Variants in TXK observed in about 807,000 individuals in gnomAD.
TXK encodes tyrosine-protein kinase TXK.
A neutral mutation model predicts 81.0 loss-of-function variants in TXK; 60 were observed. The ratio of observed to expected loss-of-function variants is 0.74; its 90% CI spans 0.60 to 0.92. The LOEUF is 0.92. Among genes scored for constraint, TXK ranks in the 40% least tolerant of loss-of-function variants. The probability of loss-of-function intolerance (pLI) is 0.00; values close to 1 mark genes in which losing one functional copy is unlikely to be tolerated. For synonymous variants in TXK, 203 were observed against 210.7 expected (o/e 0.96, Z 0.32); for missense variants, 581 against 638.3 (o/e 0.91, Z 0.97).
chr4:48,080,275 G>T, intron 10 of TXK, 147 bp from the exon 11 acceptor site: 2 of 673,812 alleles, frequency 3.0e-6, no homozygotes, highest in South Asian at 1.9e-5. Flanking sequence ...AAGTAGTTCA[G>T]TTTCCTTGCC....
At chr4:48,091,237 G>A (rs1368053971) in intron 8 of TXK, among the ~76,000 whole-genome samples, 1 of 152,206 alleles carries the variant, frequency 6.6e-6, no homozygotes, top group African/African-American at 2.4e-5. Flanking sequence ...ACTAACACAT[G>A]GAGTTAACCC....
chr4:48,133,757 TTATATA>T (rs563844495), intron 1 of TXK, among the ~76,000 whole-genome samples: 1 of 152,048 alleles, frequency 6.6e-6, no homozygotes, highest in Admixed American at 6.6e-5. Context: ...GTGTGTGTAT[TTATATA>T]TATATAAAGT....
At chr4:48,123,125 A>G (rs1026170116) in intron 1 of TXK, among the ~76,000 whole-genome samples, 5 of 152,246 alleles carry the variant, frequency 3.3e-5, no homozygotes, top group African/African-American at 1.2e-4. Flanking sequence ...ATCCTTGAGT[A>G]ATCACTAGCC....
At chr4:48,092,615 G>A (rs539492744) in intron 8 of TXK, among the ~76,000 whole-genome samples, 2 of 71,660 alleles carry the variant, frequency 2.8e-5, no homozygotes, top group South Asian at 6.7e-4. Context: ...AAGAGTTAGG[G>A]CAGCAGGAGG....
intron 1 of TXK, among the ~76,000 whole-genome samples, chr4:48,127,148 T>C (rs1719109451): frequency 6.6e-6 from 1 of 152,174 alleles, no homozygotes; most frequent in African/African-American, 2.4e-5. Flanking sequence ...TGTGGTTCCA[T>C]CCTCTGCCCA....
chr4:48,086,530 T>C lies in TXK; in HGVS notation c.892A>G (p.Ile298Val), dbSNP rs1233108263. The C allele has an allele frequency of 1.2e-6, 2 of 1,614,022 alleles. No homozygotes were observed. Among genetic ancestry groups the C allele is most frequent in the African/African-American group, 1.3e-5 (1 of 74,928 alleles). ...GEWRSHIQVA[I>V]KAINEGSMSE... Reference sequence around the variant, plus strand: ...ATGGAGCCTTCATTGATGGCCTTGATAGCTACCTGGATATGTGACCGCCAT... The same window carrying C: ...ATGGAGCCTTCATTGATGGCCTTGACAGCTACCTGGATATGTGACCGCCAT... Residue 298 changes from isoleucine (I) to valine (V), a missense_variant, in exon 10 of 15, where the codon ATC (isoleucine) becomes GTC (valine). Ile to Val is a conservative substitution (Grantham distance 29). Transcript: ENST00000264316.
chr4:48,103,677 T>G (rs1187949077), intron 6 of TXK, among the ~76,000 whole-genome samples: 1 of 152,214 alleles, frequency 6.6e-6, no homozygotes, highest in Non-Finnish European at 1.5e-5. Flanking sequence ...TTACTGACAG[T>G]TGGAAATTTA....
intron 10 of TXK, 56 bp downstream of exon 10, chr4:48,086,409 TG>T: frequency 6.4e-7 from 1 of 1,573,632 alleles, no homozygotes; most frequent in Non-Finnish European, 8.7e-7. Flanking sequence ...AAGCTCATGT[TG>T]TTTCCATGAC....
rs748750670 is a variant in TXK at position 48,110,546 on chromosome 4, T to A, written c.438A>T (p.Glu146Asp). ...TTTTGGAGAAGACTTACTCATATATTTCTAAATTAGTTATTTTGTTTTCAG... is the reference window on the plus strand; with the variant it reads ...TTTTGGAGAAGACTTACTCATATATATCTAAATTAGTTATTTTGTTTTCAG... ...YVTENKITNL[E>D]IYEWYHRNIT... The change falls in exon 5 of 15, where the codon GAA becomes GAT. Residue 146 changes from glutamate to aspartate, a missense_variant. Coordinates refer to ENST00000264316, the MANE Select transcript of TXK (RefSeq NM_003328.3). The A allele has an allele frequency of 6.2e-7, 1 of 1,608,420 alleles. No individual in the cohort carries two copies. The highest frequency in any genetic ancestry group is 8.5e-7 in the Non-Finnish European group (1 of 1,175,418).
At chr4:48,099,749 T>C (rs146252629) in intron 6 of TXK, among the ~76,000 whole-genome samples, 1 of 152,248 alleles carries the variant, frequency 6.6e-6, no homozygotes, top group Non-Finnish European at 1.5e-5. Context: ...TAGTCCAAAA[T>C]AGGGATTTTG....
At chr4:48,117,115 T>C (rs778636989) in intron 1 of TXK, among the ~76,000 whole-genome samples, 1 of 152,214 alleles carries the variant, frequency 6.6e-6, no homozygotes, top group Non-Finnish European at 1.5e-5. Flanking sequence ...CTCGGACTCC[T>C]GACCTCAAGT....
intron 2 of TXK, 151 bp from the exon 3 acceptor site, chr4:48,113,460 C>A: frequency 1.8e-6 from 1 of 555,924 alleles, no homozygotes; most frequent in South Asian, 2.7e-5. Flanking sequence ...TCTCCCTGGG[C>A]AAATTACTGG....
At chr4:48,134,078 A>C (rs934515052) in intron 1 of TXK, 77 bp downstream of exon 1, 21 of 1,559,400 alleles carry the variant, frequency 1.3e-5, no homozygotes, top group Non-Finnish European at 1.7e-5. Flanking sequence ...TGGAAAAAAA[A>C]AACTTCCTCT....
At chr4:48,131,748 T>C (rs1719252802) in intron 1 of TXK, among the ~76,000 whole-genome samples, 1 of 152,258 alleles carries the variant, frequency 6.6e-6, no homozygotes, top group African/African-American at 2.4e-5. Flanking sequence ...CACAGTGATT[T>C]ATTTTATATA....
intron 6 of TXK, among the ~76,000 whole-genome samples, chr4:48,098,001 C>A (rs1035927316): frequency 2.6e-5 from 4 of 152,144 alleles, no homozygotes; most frequent in Non-Finnish European, 5.9e-5. Flanking sequence ...CCCGCCTCGG[C>A]CTCCCAAAGT....
chr4:48,101,337 C>A (rs1042795444), intron 6 of TXK, among the ~76,000 whole-genome samples: 1 of 152,090 alleles, frequency 6.6e-6, no homozygotes. Context: ...TGTTACAAGA[C>A]AGTTATAGTA....
At chr4:48,074,161 C>G in intron 12 of TXK, 108 bp from the exon 13 acceptor site, 1 of 834,522 alleles carries the variant, frequency 1.2e-6, no homozygotes, top group Admixed American at 2.2e-5. Flanking sequence ...TATTTTACCC[C>G]AGAAAGGTTG....
Position 48,071,584 on chromosome 4 carries a change from A to G in TXK, c.1448T>C (p.Phe483Ser), listed in dbSNP as rs756879703. ...TGCCAGGTGAGGGCGATATAGCCTG[A>G]AGCCTTCAGAAATAGCTTCCACGAC... ...LQVVEAISEG[F>S]RLYRPHLAPM... Residue 483 changes from phenylalanine (F) to serine (S), a missense_variant, in exon 14 of 15, where the codon TTC (phenylalanine) becomes TCC (serine). Coordinates refer to ENST00000264316, the MANE Select transcript of TXK (RefSeq NM_003328.3). 2 of 1,614,194 alleles carry G rather than the reference A, an allele frequency of 1.2e-6. No homozygotes were observed. The highest frequency in any genetic ancestry group is 2.2e-5 in the South Asian group (2 of 91,086).
In TXK at chr4:48,096,060, G is replaced by A. The variant is rs191683222; in HGVS notation, c.502-838C>T. On this transcript the variant is annotated intron_variant, in intron 6 of 14. Coordinates refer to ENST00000264316, the MANE Select transcript of TXK (RefSeq NM_003328.3). ...ATTTACATTGTGCTTGAGAATTGCA[G>A]AACCCAAATAGCATGGTCTGACCCT... Among the ~76,000 whole-genome samples the A allele has an allele frequency of 4.2e-3, 643 of 152,248 alleles. 4 individuals are homozygous for A. Among genetic ancestry groups the A allele is most frequent in the African/African-American group, 0.015 (622 of 41,532 alleles).
Sources: gnomAD v4.1 joint callset for allele counts (sites outside exome capture counted in the v4.1 genomes callset) on GRCh38, gnomAD v4.1.1 for gene constraint, MANE v1.5 for transcripts, NCBI Gene and HGNC (gene_info 2026-07-23, HGNC 2026-07-21) for gene names.